Variants in DCC observed in about 807,000 individuals in gnomAD.
DCC encodes the protein DCC netrin 1 receptor.
Under a neutral mutation model 172.5 loss-of-function variants are expected in DCC, and 58 were observed. That is an observed-to-expected ratio of 0.34 (90% CI 0.27 to 0.42). DCC has a LOEUF of 0.42. Ranked by LOEUF, DCC falls within the 10% of genes least tolerant of loss-of-function variation. The probability of loss-of-function intolerance (pLI) is 1.00; values close to 1 mark genes in which losing one functional copy is unlikely to be tolerated. For synonymous variants in DCC, 709 were observed against 644.5 expected, an observed-to-expected ratio of 1.10 and a Z score of -1.52; for missense variants, 1,740 against 1,791.0, an observed-to-expected ratio of 0.97 and a Z score of 0.51.
chr18:53,199,114 C>T (rs1302119361), intron 9 of DCC, among the ~76,000 whole-genome samples: 1 of 144,714 alleles, frequency 6.9e-6, no homozygotes, highest in Admixed American at 7.1e-5. Context: ...CTAGCTTTGT[C>T]ACCCAGGCTG....
In DCC at chr18:53,340,012, A is replaced by G. The variant is rs143642655; in HGVS notation, c.2359+105A>G. The G allele has an allele frequency of 2.1e-4, 196 of 952,166 alleles. No homozygotes were observed. The African/African-American group carries it at 2.8e-3, about 14-fold the overall frequency. 59.0% of individuals were successfully genotyped at this position (952,166 alleles called of 1,614,324 possible). A position where few individuals can be genotyped will look rare whatever the true frequency, so the allele number is the denominator to read the frequency against. ...TTCCCTGGTATGATGGTTTCAACTT[A>G]CAGCATGTATTAGCTCTGAAAGCAA... On this transcript the variant is annotated intron_variant, in intron 15 of 28. Transcript: ENST00000442544.
intron 1 of DCC, among the ~76,000 whole-genome samples, chr18:52,472,908 AAAAT>A (rs1988987465): frequency 6.6e-6 from 1 of 152,154 alleles, no homozygotes; most frequent in Non-Finnish European, 1.5e-5. Flanking sequence ...CCCTGCCTCA[AAAAT>A]AAATAAATTA....
intron 5 of DCC, among the ~76,000 whole-genome samples, chr18:53,034,084 C>A (rs576701174): frequency 1.3e-4 from 20 of 152,042 alleles, no homozygotes; most frequent in African/African-American, 4.6e-4. Context: ...TCTCTTCTCT[C>A]TTTTTGAGAG....
chr18:53,374,700 G>T (rs867321525), intron 15 of DCC, among the ~76,000 whole-genome samples: 1 of 151,934 alleles, frequency 6.6e-6, no homozygotes, highest in Non-Finnish European at 1.5e-5. Context: ...ATTCATACAC[G>T]TACCCACACA....
intron 7 of DCC, among the ~76,000 whole-genome samples, chr18:53,106,779 G>A (rs1432088893): frequency 2.0e-5 from 3 of 151,860 alleles, no homozygotes; most frequent in Non-Finnish European, 4.4e-5. Flanking sequence ...CCAAAAGCAT[G>A]AGAAAGAATG....
chr18:53,376,189 C>T (rs1217976499), intron 15 of DCC, among the ~76,000 whole-genome samples: 1 of 151,954 alleles, frequency 6.6e-6, no homozygotes, highest in Non-Finnish European at 1.5e-5. Flanking sequence ...GTCAGGAGTT[C>T]GAGAACAACC....
intron 21 of DCC, among the ~76,000 whole-genome samples, chr18:53,430,377 C>T (rs73461189): frequency 0.042 from 6,427 of 152,120 alleles, 451 homozygotes; most frequent in African/African-American, 0.14. Context: ...ATTAAACAAA[C>T]GATTAGAACT....
chr18:52,695,701 T>A (rs1568047073), intron 1 of DCC, among the ~76,000 whole-genome samples: 1 of 152,130 alleles, frequency 6.6e-6, no homozygotes, highest in South Asian at 2.1e-4. Flanking sequence ...CTGGGGAGTA[T>A]TTTGAACGTG....
intron 27 of DCC, among the ~76,000 whole-genome samples, chr18:53,509,341 G>A (rs2046222614): frequency 6.6e-6 from 1 of 152,214 alleles, no homozygotes; most frequent in African/African-American, 2.4e-5. Flanking sequence ...AACATGATTT[G>A]AGATATAAAT....
At chr18:52,946,519 G>T (rs6508178) in intron 5 of DCC, among the ~76,000 whole-genome samples, 37,250 of 151,828 alleles carry the variant, frequency 0.25, 4,746 homozygotes, top group Admixed American at 0.31. Context: ...AGTTCATCTG[G>T]GCTATGGGAT....
chr18:52,395,831 A>G (rs2144360725), intron 1 of DCC, among the ~76,000 whole-genome samples: 1 of 152,130 alleles, frequency 6.6e-6, no homozygotes, highest in Non-Finnish European at 1.5e-5. Context: ...CTGCCTGGTT[A>G]TCTACTCTTC....
At chr18:53,163,326 C>G (rs143435021) in intron 8 of DCC, among the ~76,000 whole-genome samples, 19 of 152,118 alleles carry the variant, frequency 1.2e-4, no homozygotes, top group African/African-American at 4.6e-4. Context: ...GACTACAGTT[C>G]AATAAAAACT....
intron 1 of DCC, among the ~76,000 whole-genome samples, chr18:52,737,511 T>C (rs1189400367): frequency 1.3e-5 from 2 of 152,164 alleles, no homozygotes. Flanking sequence ...GTGGGAGCTT[T>C]TTAGGACAGG....
chr18:52,952,762 G>C (rs560679705), intron 5 of DCC, among the ~76,000 whole-genome samples: 1 of 152,178 alleles, frequency 6.6e-6, no homozygotes, highest in East Asian at 1.9e-4. Flanking sequence ...TGCTTTGGGA[G>C]ATCGAAGTGG....
At chr18:53,458,002 GC>G (rs1157140363) in intron 23 of DCC, among the ~76,000 whole-genome samples, 1 of 152,116 alleles carries the variant, frequency 6.6e-6, no homozygotes, top group Non-Finnish European at 1.5e-5. Flanking sequence ...GAAAACCAAA[GC>G]CACTCCAATG....
chr18:52,741,459 A>G (rs2036821084), intron 1 of DCC, among the ~76,000 whole-genome samples: 1 of 152,106 alleles, frequency 6.6e-6, no homozygotes, highest in Non-Finnish European at 1.5e-5. Context: ...TGACCTGTGC[A>G]TTGTAGGATG....
intron 12 of DCC, among the ~76,000 whole-genome samples, chr18:53,280,248 G>A (rs2056855699): frequency 6.6e-6 from 1 of 152,056 alleles, no homozygotes; most frequent in African/African-American, 2.4e-5. Context: ...ATTTTCTACT[G>A]ATGTTTAGAT....
At chr18:52,802,216 G>A (rs1405005333) in intron 2 of DCC, among the ~76,000 whole-genome samples, 2 of 152,168 alleles carry the variant, frequency 1.3e-5, no homozygotes, top group East Asian at 3.9e-4. Flanking sequence ...CCATACAGAT[G>A]AGGCAGTAGG....
intron 5 of DCC, among the ~76,000 whole-genome samples, chr18:52,994,209 A>G (rs1354336298): frequency 6.6e-6 from 1 of 152,134 alleles, no homozygotes; most frequent in East Asian, 1.9e-4. Context: ...TCTCCTTACC[A>G]GTTGAATTTA....
Sources: gnomAD v4.1 joint callset for allele counts (sites outside exome capture counted in the v4.1 genomes callset) on GRCh38, gnomAD v4.1.1 for gene constraint, MANE v1.5 for transcripts, NCBI Gene and HGNC (gene_info 2026-07-23, HGNC 2026-07-21) for gene names.